DYNC2H1: variants seen among roughly 807,000 people sequenced by gnomAD.
The protein encoded by DYNC2H1 is cytoplasmic dynein 2 heavy chain 1.
In DYNC2H1, 410 loss-of-function variants were observed where a neutral mutation model predicts 570.0. The ratio of observed to expected loss-of-function variants is 0.72; its 90% CI spans 0.66 to 0.78. The LOEUF is 0.78. DYNC2H1 is among the 30% of genes least tolerant of loss of function. The pLI is 0.00. For missense variants in DYNC2H1, 4,865 were observed against 5,046.4 expected (o/e 0.96, Z 1.09); for synonymous variants, 1,688 against 1,677.6 (o/e 1.01, Z -0.15).
intron 28 of DYNC2H1, among the ~76,000 whole-genome samples, chr11:103,160,667 A>G (rs1454086775): frequency 6.6e-6 from 1 of 152,026 alleles, no homozygotes; most frequent in Non-Finnish European, 1.5e-5. Context: ...AACATTCACA[A>G]ATTTCACCAG....
At chr11:103,478,269 T>C (rs986802931) in intron 88 of DYNC2H1, among the ~76,000 whole-genome samples, 3 of 152,236 alleles carry the variant, frequency 2.0e-5, no homozygotes, top group African/African-American at 7.2e-5. Context: ...CTAGTTTTTC[T>C]TATATGAACT....
intron 70 of DYNC2H1, among the ~76,000 whole-genome samples, chr11:103,279,535 C>T (rs553439261): frequency 1.3e-3 from 203 of 152,028 alleles, no homozygotes; most frequent in African/African-American, 4.8e-3. Flanking sequence ...TAATTTCTAC[C>T]TTATTTTTCT....
intron 24 of DYNC2H1, 100 bp from the exon 25 acceptor site, chr11:103,155,231 T>G (rs1005046330): frequency 1.8e-6 from 2 of 1,105,326 alleles, no homozygotes; most frequent in African/African-American, 3.3e-5. Context: ...TAATTAAAAT[T>G]TTGGTAACTA....
intron 82 of DYNC2H1, among the ~76,000 whole-genome samples, chr11:103,329,487 G>A (rs998671831): frequency 1.3e-5 from 2 of 152,080 alleles, no homozygotes; most frequent in African/African-American, 4.8e-5. Context: ...GAATATAGGT[G>A]ATTAATTTAG....
intron 18 of DYNC2H1, among the ~76,000 whole-genome samples, chr11:103,144,450 T>A (rs532776701): frequency 7.2e-5 from 11 of 152,186 alleles, no homozygotes; most frequent in Non-Finnish European, 1.6e-4. Context: ...CCCCTCTGTC[T>A]GGGGCAAAAT....
At chr11:103,359,788 C>G (rs1162184581) in intron 83 of DYNC2H1, among the ~76,000 whole-genome samples, 1 of 151,860 alleles carries the variant, frequency 6.6e-6, no homozygotes, top group Non-Finnish European at 1.5e-5. Context: ...CCTCAGCCAC[C>G]CGAGTAGCTG....
intron 83 of DYNC2H1, among the ~76,000 whole-genome samples, chr11:103,384,859 A>T (rs1011697684): frequency 6.6e-6 from 1 of 152,052 alleles, no homozygotes; most frequent in African/African-American, 2.4e-5. Context: ...TTCACTTTGC[A>T]TCTGCTTATA....
chr11:103,435,944 G>T lies in DYNC2H1; in HGVS notation c.12368G>T (p.Cys4123Phe). 6.2e-7 allele frequency: 1 copy of T among 1,612,158 alleles called. No homozygotes were observed. Among genetic ancestry groups the T allele is most frequent in the East Asian group, 2.2e-5 (1 of 44,822 alleles). Residue 4123 changes from cysteine to phenylalanine, a missense_variant and splice_region_variant, in exon 85 of 89, where the codon TGT becomes TTT. Cys to Phe is a radical substitution (Grantham distance 205, BLOSUM62 -2). Transcript: ENST00000375735. ...KLASALLNQKCPLAWQSKWEG... is the reference protein window; with the variant it reads ...KLASALLNQKFPLAWQSKWEG... ...ATTTTGACCCTTTTTAAATTGCAGT[G>T]TCCTCTCGCATGGCAGAGCAAGTGG...
At chr11:103,191,366 G>A (rs959339494) in intron 45 of DYNC2H1, 151 bp from the exon 46 acceptor site, 3 of 592,486 alleles carry the variant, frequency 5.1e-6, no homozygotes, top group Non-Finnish European at 8.8e-6. Context: ...ATAAAATATA[G>A]TATAAAGATA....
chr11:103,323,666 G>T (rs1452898127), intron 81 of DYNC2H1, among the ~76,000 whole-genome samples: 2 of 151,986 alleles, frequency 1.3e-5, no homozygotes, highest in Non-Finnish European at 2.9e-5. Context: ...TGGGAGTTAT[G>T]ATAAGAAAAT....
chr11:103,447,475 G>T (rs1157205344), intron 85 of DYNC2H1, among the ~76,000 whole-genome samples: 2 of 152,084 alleles, frequency 1.3e-5, no homozygotes, highest in Non-Finnish European at 2.9e-5. Flanking sequence ...CACAATGTGG[G>T]AAACCATTAA....
intron 59 of DYNC2H1, among the ~76,000 whole-genome samples, chr11:103,223,811 G>C (rs1029115865): frequency 6.7e-6 from 1 of 149,678 alleles, no homozygotes; most frequent in Non-Finnish European, 1.5e-5. Context: ...GCAGTGGCGC[G>C]ATCTCAGCTT....
intron 78 of DYNC2H1, among the ~76,000 whole-genome samples, chr11:103,308,838 A>T (rs1367503101): frequency 3.9e-5 from 6 of 151,944 alleles, no homozygotes; most frequent in Non-Finnish European, 8.8e-5. Flanking sequence ...AAATTATTTA[A>T]TTTTTTGCTG....
At chr11:103,292,940 C>T (rs1220156424) in intron 75 of DYNC2H1, among the ~76,000 whole-genome samples, 3 of 152,200 alleles carry the variant, frequency 2.0e-5, no homozygotes, top group Non-Finnish European at 4.4e-5. Context: ...TATAGCGACA[C>T]AGGAATGCCT....
In DYNC2H1 at chr11:103,244,576, A is replaced by G. The variant is rs1864537111; in HGVS notation, c.9919-675A>G. ...TTTATGGTTTGCAATATTATATATA[A>G]CTATATATGCAAATCATTTATGGTT... On this transcript the variant is annotated intron_variant, in intron 64 of 88. Transcript: ENST00000375735. This position sits in a 1 kb window ranked among gnomAD's most constrained non-coding sequence, Gnocchi z 4.3. Among the ~76,000 whole-genome samples the G allele has an allele frequency of 6.7e-6, 1 of 149,134 alleles. No individual in the cohort carries two copies. The highest frequency in any genetic ancestry group is 1.5e-5 in the Non-Finnish European group (1 of 67,312).
Position 103,467,761 on chromosome 11 carries a change from T to TC in DYNC2H1, c.12649-827dup, listed in dbSNP as rs1171685448. Among the ~76,000 whole-genome samples, 9 of 152,198 alleles carry TC rather than the reference T, an allele frequency of 5.9e-5. No homozygotes were observed. In the East Asian group the frequency reaches 1.7e-3, roughly 29 times the overall value. ...ACCATGTTAGCCAGGATGGTCTCCA[T>TC]CTCCTGACCTTGTGATCCGCCCGCC... On this transcript the variant is annotated intron_variant, in intron 87 of 88. Coordinates refer to ENST00000375735, the MANE Select transcript of DYNC2H1 (RefSeq NM_001377.3).
intron 85 of DYNC2H1, among the ~76,000 whole-genome samples, chr11:103,438,047 C>CAT (rs1944124117): frequency 6.6e-6 from 1 of 152,004 alleles, no homozygotes; most frequent in African/African-American, 2.4e-5. Flanking sequence ...CTTTATAAGG[C>CAT]ATTTAACCTT....
Position 103,260,048 on chromosome 11 carries a change from T to TATTTATAAATATATATATTTATA in DYNC2H1, c.10695+72_10695+73insTTTATAAATATATATATTTATAA. The TATTTATAAATATATATATTTATA allele has an allele frequency of 1.3e-4, 122 of 920,338 alleles. 1 individual carries two copies. Among genetic ancestry groups the TATTTATAAATATATATATTTATA allele is most frequent in the South Asian group, 2.4e-4 (12 of 50,540 alleles). 57.0% of individuals were successfully genotyped at this position (920,338 alleles called of 1,614,324 possible). ...TGATTTAACGTAATATTTATAGTTA[T>TATTTATAAATATATATATTTATA]AGTATAACTCTTTCCCTACTGGAAA... On this transcript the variant is annotated intron_variant, in intron 70 of 88. Coordinates refer to ENST00000375735, the MANE Select transcript of DYNC2H1 (RefSeq NM_001377.3).
At position 103,395,957 on chromosome 11, in the gene DYNC2H1, C is replaced by T. The variant is rs778103342; in HGVS notation, c.12157-3706C>T. 6.6e-6 allele frequency among the ~76,000 whole-genome samples: 1 copy of T among 152,142 alleles called. No individual in the cohort carries two copies. Among genetic ancestry groups the T allele is most frequent in the Admixed American group, 6.6e-5 (1 of 15,254 alleles). Reference sequence around the variant, plus strand: ...CCCTTTTCTTTAACCCTTACAGATCCACTCCAACTTTGTTTTTACTTCTAA... The same window carrying T: ...CCCTTTTCTTTAACCCTTACAGATCTACTCCAACTTTGTTTTTACTTCTAA... On this transcript the variant is annotated intron_variant, in intron 83 of 88. Transcript: ENST00000375735. The surrounding 1 kb of genome is among the most constrained non-coding windows in gnomAD (Gnocchi z 4.3).
Sources: allele counts gnomAD v4.1 joint callset (sites outside exome capture counted in the v4.1 genomes callset), GRCh38; gene constraint gnomAD v4.1.1; non-coding constraint Gnocchi (gnomAD v3.1); transcripts MANE v1.5; gene names NCBI Gene and HGNC (gene_info 2026-07-23, HGNC 2026-07-21).